Variants in DLC1 observed in about 807,000 individuals in gnomAD.
DLC1 encodes the protein DLC1 Rho GTPase activating protein.
DLC1 carries 54 observed loss-of-function variants against 140.3 expected under a neutral mutation model. That is an observed-to-expected ratio of 0.38 (90% CI 0.31 to 0.48). The LOEUF is 0.48. DLC1 is among the 20% of genes least tolerant of loss of function. DLC1 has a pLI of 0.96. For synonymous variants in DLC1, 986 were observed against 728.1 expected (o/e 1.35, Z -5.70); for missense variants, 2,536 against 1,907.0 (o/e 1.33, Z -6.14).
intron 1 of DLC1, among the ~76,000 whole-genome samples, chr8:13,537,623 A>G (rs920751044): frequency 6.6e-6 from 1 of 151,286 alleles, no homozygotes; most frequent in Non-Finnish European, 1.5e-5. Context: ...AAGAATACTA[A>G]TGGTAATAGT....
Position 13,222,153 on chromosome 8 carries a change from A to G in DLC1, c.1348+83116T>C, listed in dbSNP as rs199981335. Among the ~76,000 whole-genome samples, 30 of 151,970 alleles carry G rather than the reference A, an allele frequency of 2.0e-4. 1 individual carries two copies. In the East Asian group the frequency reaches 5.6e-3, roughly 28 times the overall value. On this transcript the variant is annotated intron_variant, in intron 5 of 17. Transcript: ENST00000276297. ...ATGTTTCTGTGTAACAGAATATATT[A>G]CAGAGAGGTATTTCACATCAAGAAA...
intron 5 of DLC1, among the ~76,000 whole-genome samples, chr8:13,123,415 A>G (rs1056627347): frequency 6.6e-6 from 1 of 151,020 alleles, no homozygotes; most frequent in African/African-American, 2.4e-5. Context: ...ATCTTGGCTC[A>G]CTGCAACCTC....
At chr8:13,139,646 C>T (rs1360487013) in intron 5 of DLC1, among the ~76,000 whole-genome samples, 1 of 152,180 alleles carries the variant, frequency 6.6e-6, no homozygotes, top group Non-Finnish European at 1.5e-5. Context: ...AGTAGGAATT[C>T]CTTTTAAAGG....
At chr8:13,198,368 G>T (rs1345837073) in intron 5 of DLC1, among the ~76,000 whole-genome samples, 1 of 152,140 alleles carries the variant, frequency 6.6e-6, no homozygotes, top group African/African-American at 2.4e-5. Context: ...TGCTGAGCCG[G>T]TTCCAGATAT....
intron 5 of DLC1, among the ~76,000 whole-genome samples, chr8:13,269,701 C>CAAAAA (rs57030004): frequency 2.7e-4 from 27 of 99,454 alleles, no homozygotes; most frequent in African/African-American, 4.1e-4. Flanking sequence ...AAAACTCTGT[C>CAAAAA]AAAAAAAAAA....
chr8:13,102,980 G>C, intron 7 of DLC1, 127 bp from the exon 8 acceptor site: 2 of 743,024 alleles, frequency 2.7e-6, no homozygotes, highest in Non-Finnish European at 4.4e-6. Flanking sequence ...CTAATACCTA[G>C]AGGAGTATTA....
chr8:13,393,339 A>AT (rs1447095252), intron 4 of DLC1, among the ~76,000 whole-genome samples: 3 of 152,228 alleles, frequency 2.0e-5, no homozygotes, highest in Non-Finnish European at 4.4e-5. Context: ...ATAATTCTTG[A>AT]TTCATGACCT....
chr8:13,590,544 C>G (rs577238861), intron 1 of DLC1, among the ~76,000 whole-genome samples: 12 of 152,140 alleles, frequency 7.9e-5, no homozygotes, highest in African/African-American at 2.9e-4. Context: ...TAGAAAATCC[C>G]TCATAATATG....
At chr8:13,285,873 G>A (rs191466233) in intron 5 of DLC1, among the ~76,000 whole-genome samples, 5 of 152,222 alleles carry the variant, frequency 3.3e-5, no homozygotes, top group Admixed American at 3.3e-4. Flanking sequence ...CAAAGCTGTA[G>A]TGGCAGAGAT....
chr8:13,377,854 T>G (rs546279474), intron 4 of DLC1, among the ~76,000 whole-genome samples: 1 of 151,956 alleles, frequency 6.6e-6, no homozygotes, highest in South Asian at 2.1e-4. Context: ...TCGAGTCTTG[T>G]GTTTGTGAAG....
At chr8:13,558,506 T>G (rs994218749) in intron 1 of DLC1, 3 of 152,164 alleles carry the variant, frequency 2.0e-5, no homozygotes, top group African/African-American at 7.2e-5. Context: ...TTTAAATATT[T>G]GATATTTGCA....
At chr8:13,559,872 G>A (rs890978644) in intron 1 of DLC1, among the ~76,000 whole-genome samples, 2 of 152,074 alleles carry the variant, frequency 1.3e-5, no homozygotes, top group African/African-American at 4.8e-5. Flanking sequence ...TAGATTCCAA[G>A]GTCAGTGTTC....
chr8:13,319,491 T>C (rs1318011321), intron 4 of DLC1, among the ~76,000 whole-genome samples: 1 of 57,070 alleles, frequency 1.8e-5, no homozygotes, highest in African/African-American at 5.4e-5. Flanking sequence ...GGGGGGTGGA[T>C]TTCCCCCTTG....
rs147130625 is a variant in DLC1, at chr8:13,514,216, C to T, written c.-126+386G>A. On this transcript the variant is annotated intron_variant, in intron 1 of 17. Transcript: ENST00000276297. Reference sequence around the variant, plus strand: ...GGGTGCTTTCTACTCTCCCTGTTGGCAAAGGAAGGTAGGGGAGGAATTCAT... The same window carrying T: ...GGGTGCTTTCTACTCTCCCTGTTGGTAAAGGAAGGTAGGGGAGGAATTCAT... Among the ~76,000 whole-genome samples, 30 of 152,018 alleles carry T rather than the reference C, an allele frequency of 2.0e-4. No individual in the cohort carries two copies. In the East Asian group the frequency reaches 5.8e-3, roughly 29 times the overall value.
chr8:13,518,447 A>G (rs1802662793), upstream of DLC1, among the ~76,000 whole-genome samples: 1 of 152,350 alleles, frequency 6.6e-6, no homozygotes, highest in South Asian at 2.1e-4. Context: ...TTACCTAAAC[A>G]ATAAACATTA....
intron 4 of DLC1, chr8:13,353,260 T>A (rs1834758359): frequency 6.6e-6 from 1 of 152,190 alleles, no homozygotes; most frequent in African/African-American, 2.4e-5. Context: ...ATTAAAAGTT[T>A]TAGATCATCT....
chr8:13,568,104 A>G (rs1224448294), intron 1 of DLC1: 1 of 804,604 alleles, frequency 1.2e-6, no homozygotes, highest in Non-Finnish European at 1.9e-6. Context: ...GCACTGTTGT[A>G]GTTGGAATAG....
intron 4 of DLC1, 27 bp from the exon 5 acceptor site, chr8:13,305,329 G>T: frequency 6.4e-7 from 1 of 1,561,972 alleles, no homozygotes; most frequent in Non-Finnish European, 8.6e-7. Context: ...AAAAATTGTG[G>T]TATTATTAGG....
rs1818680533 is a variant in DLC1 at position 13,098,255 on chromosome 8, A to T, written c.3167+144T>A. On this transcript the variant is annotated intron_variant, in intron 10 of 17. Transcript: ENST00000276297. ...AAAACAAACAAACAAACAAACAAAA[A>T]TGCAGAGAGTGATTGCCATAGGATG... The T allele has an allele frequency of 1.2e-5, 13 of 1,098,366 alleles. No homozygotes were observed. The South Asian group carries it at 2.0e-4, about 17-fold the overall frequency. 68.0% of individuals were successfully genotyped at this position (1,098,366 alleles called of 1,614,324 possible). A position where few individuals can be genotyped will look rare whatever the true frequency, so the allele number is the denominator to read the frequency against.
Sources: allele counts gnomAD v4.1 joint callset (sites outside exome capture counted in the v4.1 genomes callset), GRCh38; gene constraint gnomAD v4.1.1; transcripts MANE v1.5; gene names NCBI Gene and HGNC (gene_info 2026-07-23, HGNC 2026-07-21).